The following RANBP17 variants were observed in gnomAD, a reference collection of about 807,000 sequenced individuals.
The protein encoded by RANBP17 is RAN binding protein 17.
Under a neutral mutation model 141.2 loss-of-function variants are expected in RANBP17, and 158 were observed. That is an observed-to-expected ratio of 1.12 (90% CI 0.98 to 1.28). The LOEUF (loss-of-function observed/expected upper bound fraction) is 1.28. RANBP17 is among the 50% of genes most tolerant of loss of function. RANBP17 has a pLI of 0.00. For missense variants in RANBP17, 1,438 were observed against 1,290.7 expected, an observed-to-expected ratio of 1.11 and a Z score of -1.75; for synonymous variants, 430 against 450.0, an observed-to-expected ratio of 0.96 and a Z score of 0.56.
chr5:170,924,559 A>C lies in RANBP17; in HGVS notation c.1468+9A>C, dbSNP rs758715162. 26 of 1,528,898 alleles carry C rather than the reference A, an allele frequency of 1.7e-5. No individual in the cohort carries two copies. The East Asian group carries it at 5.2e-4, about 31-fold the overall frequency. 94.7% of individuals were successfully genotyped at this position (1,528,898 alleles called of 1,614,324 possible). A position where few individuals can be genotyped will look rare whatever the true frequency, so the allele number is the denominator to read the frequency against. On this transcript the variant is annotated intron_variant, in intron 12 of 27. Coordinates refer to ENST00000523189, the MANE Select transcript of RANBP17 (RefSeq NM_022897.5). ...CATCACCATTCAGGAAGGTCAGTAA[A>C]CTTTATATGACTACTGAGTATTATG...
At chr5:171,037,758 A>G (rs1033968257) in intron 14 of RANBP17, among the ~76,000 whole-genome samples, 3 of 152,014 alleles carry the variant, frequency 2.0e-5, no homozygotes, top group African/African-American at 7.3e-5. Flanking sequence ...TGGCTCCTCT[A>G]TTCTGTTCCA....
At chr5:171,196,373 A>G (rs1261992194) in intron 18 of RANBP17, among the ~76,000 whole-genome samples, 1 of 152,234 alleles carries the variant, frequency 6.6e-6, no homozygotes, top group East Asian at 1.9e-4. Flanking sequence ...GAATGGAGAA[A>G]GAGACGGAAT....
intron 14 of RANBP17, among the ~76,000 whole-genome samples, chr5:171,034,174 T>A (rs1209711624): frequency 6.6e-6 from 1 of 152,294 alleles, no homozygotes; most frequent in Middle Eastern, 3.4e-3. Context: ...GAAATTAGCA[T>A]ATGTTCATGA....
At chr5:170,966,798 T>A (rs571219586) in intron 13 of RANBP17, among the ~76,000 whole-genome samples, 10 of 151,962 alleles carry the variant, frequency 6.6e-5, no homozygotes, top group Non-Finnish European at 7.4e-5. Context: ...GAAAACCCCA[T>A]TGTCTCAGCC....
intron 14 of RANBP17, chr5:171,158,417 C>T (rs1326263882): frequency 5.2e-6 from 1 of 193,042 alleles, no homozygotes; most frequent in Non-Finnish European, 1.1e-5. Flanking sequence ...ACAAGTTTCT[C>T]CTATGTGAAT....
chr5:171,062,830 C>T (rs1468485551), intron 14 of RANBP17, among the ~76,000 whole-genome samples: 1 of 152,178 alleles, frequency 6.6e-6, no homozygotes, highest in Non-Finnish European at 1.5e-5. Context: ...TTCACATAGT[C>T]CCATATTTCT....
chr5:170,897,810 T>C (rs182743115), intron 5 of RANBP17, among the ~76,000 whole-genome samples: 1 of 152,358 alleles, frequency 6.6e-6, no homozygotes, highest in African/African-American at 2.4e-5. Context: ...AGTCTATCAT[T>C]GATGGGCATT....
intron 14 of RANBP17, among the ~76,000 whole-genome samples, chr5:171,169,266 C>T (rs1256418085): frequency 1.3e-5 from 2 of 152,096 alleles, no homozygotes; most frequent in African/African-American, 4.8e-5. Flanking sequence ...AGAACACAAT[C>T]ACAGAGGATC....
intron 14 of RANBP17, among the ~76,000 whole-genome samples, chr5:171,145,062 T>C (rs1229098210): frequency 6.6e-6 from 1 of 152,246 alleles, no homozygotes; most frequent in Non-Finnish European, 1.5e-5. Flanking sequence ...TTGAAAGAGC[T>C]ATTGTTTTAT....
intron 5 of RANBP17, among the ~76,000 whole-genome samples, chr5:170,908,104 A>G (rs990705037): frequency 1.3e-5 from 2 of 152,116 alleles, no homozygotes; most frequent in African/African-American, 4.8e-5. Context: ...CACTGTGGAA[A>G]GTAGTTTGGA....
intron 25 of RANBP17, among the ~76,000 whole-genome samples, chr5:171,284,270 T>C (rs960834837): frequency 6.6e-6 from 1 of 152,206 alleles, no homozygotes; most frequent in Admixed American, 6.5e-5. Context: ...CTTCTCTTCA[T>C]TGGAAGTCTT....
chr5:171,297,314 C>T (rs1239748098), intron 27 of RANBP17, among the ~76,000 whole-genome samples: 1 of 152,126 alleles, frequency 6.6e-6, no homozygotes, highest in Non-Finnish European at 1.5e-5. Flanking sequence ...AAGGTTCCTC[C>T]CCCTCATGGA....
At chr5:171,032,814 G>C (rs1781634895) in intron 14 of RANBP17, among the ~76,000 whole-genome samples, 1 of 152,040 alleles carries the variant, frequency 6.6e-6, no homozygotes, top group Non-Finnish European at 1.5e-5. Context: ...ATAGACACAA[G>C]ACAACTATAG....
chr5:170,994,970 A>G (rs1299373805), intron 14 of RANBP17, among the ~76,000 whole-genome samples: 1 of 152,092 alleles, frequency 6.6e-6, no homozygotes, highest in African/African-American at 2.4e-5. Flanking sequence ...TTAGAATAAT[A>G]ACATTGCCTT....
At chr5:171,224,345 C>T (rs1478742272) in intron 22 of RANBP17, among the ~76,000 whole-genome samples, 3 of 152,164 alleles carry the variant, frequency 2.0e-5, no homozygotes, top group Non-Finnish European at 4.4e-5. Context: ...TCATTCCTAC[C>T]CCTTTTTCTG....
intron 24 of RANBP17, among the ~76,000 whole-genome samples, chr5:171,262,016 TTGCGA>T (rs1238810461): frequency 6.6e-6 from 1 of 152,210 alleles, no homozygotes; most frequent in African/African-American, 2.4e-5. Context: ...CTTGCTTTTA[TTGCGA>T]GGATATATGC....
intron 22 of RANBP17, among the ~76,000 whole-genome samples, chr5:171,240,285 T>A (rs1262572054): frequency 6.6e-6 from 1 of 152,190 alleles, no homozygotes; most frequent in Non-Finnish European, 1.5e-5. Context: ...AAACATTTCT[T>A]TGTCTTCTGA....
intron 14 of RANBP17, among the ~76,000 whole-genome samples, chr5:171,062,813 T>C (rs1463537814): frequency 1.3e-5 from 2 of 152,240 alleles, no homozygotes; most frequent in Non-Finnish European, 2.9e-5. Flanking sequence ...GACGTAGATT[T>C]GGTCTTTTCA....
intron 3 of RANBP17, among the ~76,000 whole-genome samples, chr5:170,885,318 A>G (rs1581051231): frequency 6.6e-6 from 1 of 152,310 alleles, no homozygotes; most frequent in East Asian, 1.9e-4. Flanking sequence ...TTTAAAGATA[A>G]ACCTCAGAAT....
Sources: gnomAD v4.1 joint callset for allele counts (sites outside exome capture counted in the v4.1 genomes callset) on GRCh38, gnomAD v4.1.1 for gene constraint, MANE v1.5 for transcripts, NCBI Gene and HGNC (gene_info 2026-07-23, HGNC 2026-07-21) for gene names.